The following ESR1 variants were observed in gnomAD, a reference collection of about 807,000 sequenced individuals.
ESR1 encodes estrogen receptor 1, also known as estrogen receptor.
In ESR1, 12 loss-of-function variants were observed where a neutral mutation model predicts 52.7. That is an observed-to-expected ratio of 0.23 (90% CI 0.15 to 0.37). The LOEUF (loss-of-function observed/expected upper bound fraction) is 0.37, where lower values mean the gene tolerates loss of function less well. Ranked by LOEUF, ESR1 falls within the 10% of genes least tolerant of loss-of-function variation. ESR1 has a pLI of 1.00. For synonymous variants in ESR1, 305 were observed against 316.8 expected (o/e 0.96, Z 0.39); for missense variants, 584 against 779.7 (o/e 0.75, Z 2.99).
chr6:151,795,530 G>T (rs1241315518), intron 2 of ESR1, among the ~76,000 whole-genome samples: 1 of 151,192 alleles, frequency 6.6e-6, no homozygotes, highest in Non-Finnish European at 1.5e-5. Flanking sequence ...AGATTACTTG[G>T]CCTCAATCAT....
At chr6:151,904,809 C>T (rs1242453995) in intron 3 of ESR1, among the ~76,000 whole-genome samples, 4 of 152,040 alleles carry the variant, frequency 2.6e-5, no homozygotes, top group Non-Finnish European at 4.4e-5. Context: ...ATTCGTTTCA[C>T]GTGGATGTAT....
intron 3 of ESR1, among the ~76,000 whole-genome samples, chr6:151,889,292 GGGC>G (rs1486261969): frequency 2.0e-5 from 3 of 152,066 alleles, no homozygotes; most frequent in African/African-American, 7.2e-5. Context: ...ATTAGGTCCT[GGGC>G]TTTTCTTCCA....
chr6:152,109,045 C>G (rs1313355643), intron 6 of ESR1, among the ~76,000 whole-genome samples: 2 of 152,106 alleles, frequency 1.3e-5, no homozygotes, highest in African/African-American at 4.8e-5. Context: ...CTTACTTTGC[C>G]AGGAGGAGAA....
chr6:152,027,050 T>A (rs1161751984), intron 5 of ESR1, among the ~76,000 whole-genome samples: 1 of 152,062 alleles, frequency 6.6e-6, no homozygotes, highest in African/African-American at 2.4e-5. Context: ...CACTGCAACT[T>A]CTGCCTCCCG....
chr6:151,910,707 G>A (rs1218714103), intron 3 of ESR1, among the ~76,000 whole-genome samples: 2 of 152,134 alleles, frequency 1.3e-5, no homozygotes, highest in African/African-American at 4.8e-5. Context: ...TAGGCCATTG[G>A]TAAAGCAATC....
At chr6:151,659,522 A>G (rs575568417) in intron 1 of ESR1, among the ~76,000 whole-genome samples, 1 of 152,290 alleles carries the variant, frequency 6.6e-6, no homozygotes, top group East Asian at 1.9e-4. Flanking sequence ...TTTACCATTG[A>G]GTTTCTCATG....
At chr6:152,109,855 C>T (rs1410476348) in intron 6 of ESR1, among the ~76,000 whole-genome samples, 3 of 152,154 alleles carry the variant, frequency 2.0e-5, no homozygotes, top group Admixed American at 6.5e-5. Context: ...GGGAGAATTT[C>T]CTGCAACGGG....
intron 4 of ESR1, among the ~76,000 whole-genome samples, chr6:152,006,444 C>T (rs1368360422): frequency 6.6e-6 from 1 of 151,746 alleles, no homozygotes; most frequent in Non-Finnish European, 1.5e-5. Context: ...GGCCCATGAT[C>T]CATGGTATGG....
rs2047552878 is a variant in ESR1, at chr6:152,061,649, C to A, written c.1369+525C>A. Among the ~76,000 whole-genome samples, 1 of 152,224 alleles carries A rather than the reference C, an allele frequency of 6.6e-6. No homozygotes were observed. The highest frequency in any genetic ancestry group is 6.5e-5 in the Admixed American group (1 of 15,282). On this transcript the variant is annotated intron_variant, in intron 6 of 7. Coordinates refer to ENST00000206249, the MANE Select transcript of ESR1 (RefSeq NM_000125.4). This position sits in a 1 kb window ranked among gnomAD's most constrained non-coding sequence, Gnocchi z 4.3. Reference sequence around the variant, plus strand: ...GCAATAAATTGTCCAGCTGAAAGAACATTTTCCATTTGCTCTATGAAGTCT... The same window carrying A: ...GCAATAAATTGTCCAGCTGAAAGAAAATTTTCCATTTGCTCTATGAAGTCT...
chr6:151,834,527 A>G (rs1186672794), intron 1 of ESR1, among the ~76,000 whole-genome samples: 2 of 152,102 alleles, frequency 1.3e-5, no homozygotes. Context: ...GGACGGGAAC[A>G]TTACACACCT....
intron 5 of ESR1, among the ~76,000 whole-genome samples, chr6:152,059,465 G>T (rs2047377281): frequency 1.3e-5 from 2 of 151,694 alleles, no homozygotes; most frequent in African/African-American, 2.4e-5. Context: ...AAAACCATAA[G>T]AAAAACAATT....
At chr6:151,837,824 C>T (rs560842130) in intron 1 of ESR1, among the ~76,000 whole-genome samples, 16 of 152,064 alleles carry the variant, frequency 1.1e-4, no homozygotes, top group Non-Finnish European at 1.6e-4. Context: ...AAGAATTTTA[C>T]AAGGAAGGAG....
At chr6:152,083,530 A>G (rs1225399337) in intron 6 of ESR1, among the ~76,000 whole-genome samples, 5 of 152,222 alleles carry the variant, frequency 3.3e-5, no homozygotes, top group Admixed American at 2.0e-4. Flanking sequence ...AATACCATTC[A>G]GGACATAGGC....
At chr6:151,676,994 A>G (rs1778274128) in intron 1 of ESR1, among the ~76,000 whole-genome samples, 1 of 152,172 alleles carries the variant, frequency 6.6e-6, no homozygotes, top group South Asian at 2.1e-4. Context: ...GAGGTTTTGG[A>G]AAAGAAGAAA....
intron 2 of ESR1, among the ~76,000 whole-genome samples, chr6:151,850,102 A>G (rs2504073): frequency 0.11 from 512 of 4,708 alleles, 86 homozygotes; most frequent in African/African-American, 0.14. Context: ...AATTTTATAT[A>G]TATATACAAA....
rs529508296 is a variant in ESR1 at position 151,823,871 on chromosome 6, T to C, written c.452+15507T>C. On this transcript the variant is annotated intron_variant, in intron 1 of 7. Coordinates refer to ENST00000206249, the MANE Select transcript of ESR1 (RefSeq NM_000125.4). ...CACATTTTCTTAATCCAGTCTATCATTGATGGATGTTTGGGTTGGTTCCAA... is the reference window on the plus strand; with the variant it reads ...CACATTTTCTTAATCCAGTCTATCACTGATGGATGTTTGGGTTGGTTCCAA... Among the ~76,000 whole-genome samples the C allele has an allele frequency of 1.5e-4, 23 of 152,348 alleles. No individual in the cohort carries two copies. The South Asian group carries it at 4.4e-3, about 29-fold the overall frequency.
chr6:151,747,199 C>T (rs896134707), intron 2 of ESR1, among the ~76,000 whole-genome samples: 1 of 152,160 alleles, frequency 6.6e-6, no homozygotes, highest in African/African-American at 2.4e-5. Flanking sequence ...ATGGATAGAA[C>T]ATTTCGTACC....
downstream of ESR1, among the ~76,000 whole-genome samples, chr6:152,106,260 T>C (rs2152512495): frequency 6.6e-6 from 1 of 152,360 alleles, no homozygotes; most frequent in Non-Finnish European, 1.5e-5. Context: ...TGCCTTAAAC[T>C]ACTTTCTATC....
intron 2 of ESR1, among the ~76,000 whole-genome samples, chr6:151,869,095 C>T (rs933029638): frequency 9.4e-5 from 3 of 32,042 alleles, no homozygotes; most frequent in Non-Finnish European, 2.9e-4. Flanking sequence ...CAGTCCTGTT[C>T]AGGGTTCTGA....
Sources: allele counts gnomAD v4.1 joint callset (sites outside exome capture counted in the v4.1 genomes callset), GRCh38; gene constraint gnomAD v4.1.1; non-coding constraint Gnocchi (gnomAD v3.1); transcripts MANE v1.5; gene names NCBI Gene and HGNC (gene_info 2026-07-23, HGNC 2026-07-21).